CDK6: variants seen among roughly 807,000 people sequenced by gnomAD.
CDK6 encodes the protein cyclin-dependent kinase 6.
CDK6 carries 6 observed loss-of-function variants against 37.1 expected under a neutral mutation model. The ratio of observed to expected loss-of-function variants is 0.16; its 90% CI spans 0.09 to 0.32. The LOEUF is 0.32. CDK6 is among the 10% of genes least tolerant of loss of function. The probability of loss-of-function intolerance (pLI) is 1.00; values close to 1 mark genes in which losing one functional copy is unlikely to be tolerated. For synonymous variants in CDK6, 160 were observed against 161.3 expected, an observed-to-expected ratio of 0.99 and a Z score of 0.06; for missense variants, 224 against 418.9, an observed-to-expected ratio of 0.53 and a Z score of 4.06.
Position 92,606,041 on chromosome 7 carries a change from A to C in CDK6, c.*9099T>G, listed in dbSNP as rs1264939937. The stretch of plus-strand genomic sequence containing the variant: ...TGTAGCAATATAAGCAAACGGAATA[A>C]GAATAATTATGCACCTTTAAGGAAC... On this transcript the variant is annotated 3_prime_UTR_variant, in exon 8 of 8. Coordinates refer to ENST00000424848, the MANE Select transcript of CDK6 (RefSeq NM_001145306.2). The C allele has an allele frequency of 4.3e-6, 1 of 233,604 alleles. No homozygotes were observed. Among genetic ancestry groups the C allele is most frequent in the South Asian group, 1.8e-4 (1 of 5,534 alleles). The allele number at this position is 233,604 out of a possible 1,614,324, so 14.5% of individuals were successfully genotyped here.
rs563202721 is a variant in CDK6, at chr7:92,733,082, T to C, written c.370-7289A>G. The stretch of plus-strand genomic sequence containing the variant: ...AACAAATCTAACTTAATTAAAATTA[T>C]ATTAACTTAAATATGTTATGAACAT... On this transcript the variant is annotated intron_variant, in intron 3 of 7. Coordinates refer to ENST00000424848, the MANE Select transcript of CDK6 (RefSeq NM_001145306.2). Among the ~76,000 whole-genome samples the C allele has an allele frequency of 4.6e-5, 7 of 152,354 alleles. 1 individual carries two copies. In the South Asian group the frequency reaches 1.5e-3, roughly 32 times the overall value.
intron 2 of CDK6, among the ~76,000 whole-genome samples, chr7:92,793,197 T>C (rs142923985): frequency 2.6e-5 from 4 of 152,246 alleles, no homozygotes; most frequent in African/African-American, 9.6e-5. Context: ...AGAGCTTCAA[T>C]GCAATCCACA....
intron 2 of CDK6, among the ~76,000 whole-genome samples, chr7:92,785,921 C>A (rs1800119984): frequency 6.6e-6 from 1 of 152,212 alleles, no homozygotes; most frequent in Non-Finnish European, 1.5e-5. Flanking sequence ...GCGAAGACTG[C>A]TGATATCCCA....
chr7:92,668,153 A>C (rs1042836703), intron 5 of CDK6, among the ~76,000 whole-genome samples: 1 of 152,210 alleles, frequency 6.6e-6, no homozygotes, highest in Non-Finnish European at 1.5e-5. Flanking sequence ...AGATACACAA[A>C]TACTTACCAT....
Position 92,812,527 on chromosome 7 carries a change from C to T in CDK6, c.233+20564G>A, listed in dbSNP as rs140568090. ...CAAACTCCTAGGCTCAAGCCTTGAT[C>T]TTCCCACCTCAGCCTCCAGAGTAGC... On this transcript the variant is annotated intron_variant, in intron 2 of 7. Coordinates refer to ENST00000424848, the MANE Select transcript of CDK6 (RefSeq NM_001145306.2). Among the ~76,000 whole-genome samples, 1,250 of 151,936 alleles carry T rather than the reference C, an allele frequency of 8.2e-3. 6 individuals are homozygous for T. The highest frequency in any genetic ancestry group is 0.018 in the South Asian group (87 of 4,818).
chr7:92,617,871 C>CCAGA (rs1795715629), intron 7 of CDK6, among the ~76,000 whole-genome samples: 1 of 152,178 alleles, frequency 6.6e-6, no homozygotes, highest in Non-Finnish European at 1.5e-5. Context: ...ATCAGAAAGA[C>CCAGA]ATTCCAGAAT....
Position 92,611,947 on chromosome 7 carries a change from AC to A in CDK6, c.*3192del, listed in dbSNP as rs1795571619. ...CTTTCTTCCAAAACAGGTTCTTTGC[AC>A]CTTGAGTTCCCATCCACTTCAAAGG... On this transcript the variant is annotated 3_prime_UTR_variant, in exon 8 of 8. Coordinates refer to ENST00000424848, the MANE Select transcript of CDK6 (RefSeq NM_001145306.2). The A allele has an allele frequency of 1.3e-5, 3 of 232,812 alleles. No homozygotes were observed. The highest frequency in any genetic ancestry group is 2.5e-5 in the Non-Finnish European group (3 of 117,832). 14.4% of individuals were successfully genotyped at this position (232,812 alleles called of 1,614,324 possible). A position where few individuals can be genotyped will look rare whatever the true frequency, so the allele number is the denominator to read the frequency against.
chr7:92,624,061 A>C (rs951793014), intron 5 of CDK6, among the ~76,000 whole-genome samples: 1 of 152,022 alleles, frequency 6.6e-6, no homozygotes, highest in African/African-American at 2.4e-5. Flanking sequence ...CAATAAATGA[A>C]CTCACTATAT....
chr7:92,719,533 T>A (rs530907018), intron 4 of CDK6, among the ~76,000 whole-genome samples: 147 of 152,318 alleles, frequency 9.7e-4, no homozygotes, highest in Non-Finnish European at 1.6e-3. Context: ...GAAAAAAAGA[T>A]TCTTGGAGAA....
chr7:92,708,706 T>C (rs928825368), intron 4 of CDK6, among the ~76,000 whole-genome samples: 4 of 152,252 alleles, frequency 2.6e-5, no homozygotes. Flanking sequence ...TAGATTCATC[T>C]GAATTACAAT....
intron 4 of CDK6, among the ~76,000 whole-genome samples, chr7:92,715,401 T>C (rs1294485494): frequency 1.3e-5 from 2 of 152,198 alleles, no homozygotes; most frequent in Non-Finnish European, 2.9e-5. Flanking sequence ...CTAAAGTAAA[T>C]TCTCCTACGC....
In CDK6 at chr7:92,833,475, C is replaced by G; in HGVS notation, c.-152G>C. On this transcript the variant is annotated 5_prime_UTR_variant, in exon 2 of 8. Coordinates refer to ENST00000424848, the MANE Select transcript of CDK6 (RefSeq NM_001145306.2). The surrounding 1 kb of genome is among the most constrained non-coding windows in gnomAD (Gnocchi z 6.1). The stretch of plus-strand genomic sequence containing the variant: ...CGGCTCAGGCGCTCGGGCGCTGGGG[C>G]TTTCGCCGCTGCAGAAGCTGGATGG... The G allele has an allele frequency of 1.7e-6, 1 of 589,616 alleles. No individual in the cohort carries two copies. The highest frequency in any genetic ancestry group is 2.9e-6 in the Non-Finnish European group (1 of 344,578). 36.5% of individuals were successfully genotyped at this position (589,616 alleles called of 1,614,324 possible). A position where few individuals can be genotyped will look rare whatever the true frequency, so the allele number is the denominator to read the frequency against.
At chr7:92,762,122 A>G (rs1584061148) in intron 3 of CDK6, among the ~76,000 whole-genome samples, 1 of 152,220 alleles carries the variant, frequency 6.6e-6, no homozygotes, top group Non-Finnish European at 1.5e-5. Flanking sequence ...TGAGGTTTAC[A>G]AGATCAATTG....
chr7:92,801,201 T>C (rs1800564510), intron 2 of CDK6, among the ~76,000 whole-genome samples: 1 of 152,114 alleles, frequency 6.6e-6, no homozygotes, highest in African/African-American at 2.4e-5. Flanking sequence ...AACGACACTT[T>C]TGAATCAATT....
Position 92,605,588 on chromosome 7 carries a change from C to G in CDK6, c.*9552G>C, listed in dbSNP as rs1795408067. On this transcript the variant is annotated 3_prime_UTR_variant, in exon 8 of 8. Coordinates refer to ENST00000424848, the MANE Select transcript of CDK6 (RefSeq NM_001145306.2). ...GATAAACTGGCTATATTTTCATCTG[C>G]CTCTTGGGAAAGGAGCAAGAGCATT... is the stretch of plus-strand genomic sequence containing the variant. The G allele has an allele frequency of 4.3e-6, 1 of 233,024 alleles. No individual in the cohort carries two copies. Among genetic ancestry groups the G allele is most frequent in the African/African-American group, 2.2e-5 (1 of 45,346 alleles). The allele number at this position is 233,024 out of a possible 1,614,324, so 14.4% of individuals were successfully genotyped here.
intron 2 of CDK6, among the ~76,000 whole-genome samples, chr7:92,831,728 T>G (rs79734796): frequency 6.6e-6 from 1 of 152,250 alleles, no homozygotes; most frequent in African/African-American, 2.4e-5. Context: ...CTTATTTATA[T>G]ATTTATGATT....
chr7:92,755,209 C>T (rs570232486), intron 3 of CDK6, among the ~76,000 whole-genome samples: 1 of 152,268 alleles, frequency 6.6e-6, no homozygotes, highest in South Asian at 2.1e-4. Flanking sequence ...AGGAAAGACA[C>T]ATTGCTGTGG....
chr7:92,656,729 T>C (rs181438379), intron 5 of CDK6, among the ~76,000 whole-genome samples: 6 of 152,306 alleles, frequency 3.9e-5, no homozygotes, highest in South Asian at 2.1e-4. Flanking sequence ...AAGTACCTCC[T>C]GCTCATGAGA....
At chr7:92,733,393 T>G (rs999236477) in intron 3 of CDK6, among the ~76,000 whole-genome samples, 32 of 152,202 alleles carry the variant, frequency 2.1e-4, no homozygotes, top group African/African-American at 7.7e-4. Flanking sequence ...CAGCTAATAT[T>G]AGCTTCAGAA....
Sources: allele counts gnomAD v4.1 joint callset (sites outside exome capture counted in the v4.1 genomes callset), GRCh38; gene constraint gnomAD v4.1.1; non-coding constraint Gnocchi (gnomAD v3.1); transcripts MANE v1.5; gene names NCBI Gene and HGNC (gene_info 2026-07-23, HGNC 2026-07-21).